HTRA1: variants seen among roughly 807,000 people sequenced by gnomAD.
HTRA1 encodes the protein HtrA serine peptidase 1, also known as serine protease HTRA1.
HTRA1 carries 26 observed loss-of-function variants against 49.7 expected under a neutral mutation model. That is an observed-to-expected ratio of 0.52 (90% confidence interval 0.38 to 0.73). The LOEUF is 0.73. Among genes scored for constraint, HTRA1 ranks in the 30% least tolerant of loss-of-function variants. The pLI is 0.00. For missense variants in HTRA1, 561 were observed against 667.2 expected, an observed-to-expected ratio of 0.84 and a Z score of 1.75; for synonymous variants, 291 against 286.9, an observed-to-expected ratio of 1.01 and a Z score of -0.14.
intron 1 of HTRA1, among the ~76,000 whole-genome samples, chr10:122,481,846 T>C (rs948311017): frequency 6.6e-6 from 1 of 152,112 alleles, no homozygotes; most frequent in African/African-American, 2.4e-5. Context: ...CTGCACAAGC[T>C]CTCTCTCTGA....
At chr10:122,465,037 C>T (rs757146206) in intron 1 of HTRA1, among the ~76,000 whole-genome samples, 2 of 152,122 alleles carry the variant, frequency 1.3e-5, no homozygotes, top group African/African-American at 4.8e-5. Context: ...GATCAGGGGT[C>T]CCCAGGGAGG....
intron 1 of HTRA1, among the ~76,000 whole-genome samples, chr10:122,480,579 C>T (rs898270359): frequency 6.6e-6 from 1 of 152,146 alleles, no homozygotes; most frequent in Non-Finnish European, 1.5e-5. Flanking sequence ...AGGGTCCCTG[C>T]TAGTTGTCTG....
At chr10:122,485,196 G>T (rs919696011) in intron 1 of HTRA1, among the ~76,000 whole-genome samples, 1 of 152,200 alleles carries the variant, frequency 6.6e-6, no homozygotes, top group African/African-American at 2.4e-5. Flanking sequence ...GTCCATCTTT[G>T]AACTGTTAGT....
At position 122,461,681 on chromosome 10, in the gene HTRA1, C is replaced by A; in HGVS notation, c.29C>A (p.Pro10Gln). ...CAGATCCCGCGCGCCGCTCTTCTCCCGCTGCTGCTGCTGCTGCTGGCGGCG... is the reference window on the plus strand; with the variant it reads ...CAGATCCCGCGCGCCGCTCTTCTCCAGCTGCTGCTGCTGCTGCTGGCGGCG... MQIPRAALL[P>Q]LLLLLLAAPA... is the part of the protein sequence containing the mutation. The change falls in exon 1 of 9, where the codon CCG (proline) becomes CAG (glutamine). Residue 10 changes from proline (P) to glutamine (Q), a missense_variant. By Grantham distance (76) the Pro-to-Gln change is moderately conservative. Around this residue, in one of 3 missense-constraint regions of HTRA1, gnomAD observed 111 missense variants for 83.7 expected, o/e 1.33. Transcript: ENST00000368984. 7.6e-7 allele frequency: 1 copy of A among 1,307,198 alleles called. No homozygotes were observed. The highest frequency in any genetic ancestry group is 9.9e-7 in the Non-Finnish European group (1 of 1,012,712). 81.0% of individuals were successfully genotyped at this position (1,307,198 alleles called of 1,614,324 possible). A position where few individuals can be genotyped will look rare whatever the true frequency, so the allele number is the denominator to read the frequency against.
chr10:122,478,688 G>GTTAAT lies in HTRA1; in HGVS notation c.473-10214_473-10213insTTAAT, dbSNP rs1455980405. Among the ~76,000 whole-genome samples, 4 of 152,282 alleles carry GTTAAT rather than the reference G, an allele frequency of 2.6e-5. No individual in the cohort carries two copies. The East Asian group carries it at 7.7e-4, about 29-fold the overall frequency. On this transcript the variant is annotated intron_variant, in intron 1 of 8. Coordinates refer to ENST00000368984, the MANE Select transcript of HTRA1 (RefSeq NM_002775.5). ...ATTACAGGCTTGAGCCACTCGCCCG[G>GTTAAT]CTGAGTTTGACCAGATTAAGGCAGC... is the stretch of plus-strand genomic sequence containing the variant.
intron 1 of HTRA1, among the ~76,000 whole-genome samples, chr10:122,468,818 C>T (rs1024162185): frequency 6.6e-6 from 1 of 152,124 alleles, no homozygotes; most frequent in Admixed American, 6.5e-5. Flanking sequence ...GAAGCCCTGG[C>T]ACCTTCTTGA....
At chr10:122,511,741 A>T (rs1381603917) in intron 7 of HTRA1, among the ~76,000 whole-genome samples, 8 of 76,734 alleles carry the variant, frequency 1.0e-4, no homozygotes, top group East Asian at 5.1e-4. Context: ...TCAAAAAAAA[A>T]AAAATAAATA....
In HTRA1 at chr10:122,487,526, T is replaced by C. The variant is rs2097493594; in HGVS notation, c.473-1376T>C. Reference sequence around the variant, plus strand: ...AGCCCTGCTGGGTGAGAGCCTCACATCGGGACATGTGACAGCTTTGTTGAA... The same window carrying C: ...AGCCCTGCTGGGTGAGAGCCTCACACCGGGACATGTGACAGCTTTGTTGAA... On this transcript the variant is annotated intron_variant, in intron 1 of 8. Transcript: ENST00000368984. The surrounding 1 kb of genome is among the most constrained non-coding windows in gnomAD (Gnocchi z 4.8). Among the ~76,000 whole-genome samples the C allele has an allele frequency of 6.6e-6, 1 of 152,204 alleles. No homozygotes were observed. Among genetic ancestry groups the C allele is most frequent in the South Asian group, 2.1e-4 (1 of 4,830 alleles).
intron 1 of HTRA1, among the ~76,000 whole-genome samples, chr10:122,467,223 A>G (rs1343929131): frequency 1.3e-5 from 2 of 152,222 alleles, no homozygotes; most frequent in Non-Finnish European, 2.9e-5. Flanking sequence ...GCTTAATTTG[A>G]AGAAGAAGTA....
intron 3 of HTRA1, among the ~76,000 whole-genome samples, chr10:122,502,498 A>C (rs1382326213): frequency 6.6e-6 from 1 of 152,072 alleles, no homozygotes; most frequent in East Asian, 1.9e-4. Flanking sequence ...CCCTCACTGG[A>C]TCTGTTTCTA....
chr10:122,489,656 T>TTCTC, intron 3 of HTRA1, 30 bp downstream of exon 3: 1 of 1,594,496 alleles, frequency 6.3e-7, no homozygotes, highest in African/African-American at 1.3e-5. Context: ...CAGAGGTGAG[T>TTCTC]TCTCAGATGC....
intron 1 of HTRA1, among the ~76,000 whole-genome samples, chr10:122,474,521 G>C (rs2142308): frequency 0.25 from 37,667 of 152,120 alleles, 4,911 homozygotes; most frequent in East Asian, 0.46. Flanking sequence ...CTGCCTCCCA[G>C]TCCGTGGCCA....
chr10:122,504,175 CT>C (rs2097502082), intron 3 of HTRA1, among the ~76,000 whole-genome samples: 1 of 152,204 alleles, frequency 6.6e-6, no homozygotes, highest in Non-Finnish European at 1.5e-5. Context: ...CCATCCCTGC[CT>C]GGGGGCTCCC....
At position 122,461,853 on chromosome 10, in the gene HTRA1, G is replaced by A. The variant is rs1276179129; in HGVS notation, c.201G>A (p.Val67=). ...GGGACGCGTGCGGCTGCTGCGAGGT[G>A]TGCGGCGCGCCCGAGGGCGCCGCGT... ...RARDACGCCE[V]CGAPEGAACG... The change falls in exon 1 of 9, where the codon GTG becomes GTA. Residue 67 remains valine, a synonymous_variant. Coordinates refer to ENST00000368984, the MANE Select transcript of HTRA1 (RefSeq NM_002775.5). 5 of 1,188,612 alleles carry A rather than the reference G, an allele frequency of 4.2e-6. No individual in the cohort carries two copies. The highest frequency in any genetic ancestry group is 3.4e-4 in the Middle Eastern group (1 of 2,940). The allele number at this position is 1,188,612 out of a possible 1,614,324, so 73.6% of individuals were successfully genotyped here. A position where few individuals can be genotyped will look rare whatever the true frequency, so the allele number is the denominator to read the frequency against.
intron 5 of HTRA1, 131 bp downstream of exon 5, chr10:122,507,533 T>G (rs2097503600): frequency 1.3e-6 from 1 of 745,784 alleles, no homozygotes. Flanking sequence ...CCAAAGTGTA[T>G]TATAAATTCC....
chr10:122,489,118 C>T (rs2097494522), intron 2 of HTRA1, 117 bp downstream of exon 2: 4 of 789,174 alleles, frequency 5.1e-6, no homozygotes, highest in African/African-American at 1.7e-5. Flanking sequence ...TATCTTCCTA[C>T]TTAAGATAAG....
chr10:122,508,912 A>G (rs2097504360), intron 6 of HTRA1, 142 bp downstream of exon 6: 2 of 662,546 alleles, frequency 3.0e-6, no homozygotes, highest in Non-Finnish European at 5.5e-6. Flanking sequence ...GGGAATGCAC[A>G]TTACTAAATC....
At chr10:122,493,403 T>C (rs1026082434) in intron 3 of HTRA1, among the ~76,000 whole-genome samples, 4 of 152,240 alleles carry the variant, frequency 2.6e-5, no homozygotes, top group African/African-American at 7.2e-5. Context: ...CTAGTTCAGC[T>C]TCAGTTACAA....
In HTRA1 at chr10:122,464,013, T is replaced by G. The variant is rs1236136747; in HGVS notation, c.472+1889T>G. On this transcript the variant is annotated intron_variant, in intron 1 of 8. Transcript: ENST00000368984. This position sits in a 1 kb window ranked among gnomAD's most constrained non-coding sequence, Gnocchi z 4.8. ...CCCGTGCCCTGTGCGCAGATGTTCT[T>G]GAACTGGAGCAACTCAAAGCCTAGT... Among the ~76,000 whole-genome samples, 1 of 152,164 alleles carries G rather than the reference T, an allele frequency of 6.6e-6. No homozygotes were observed. Among genetic ancestry groups the G allele is most frequent in the Non-Finnish European group, 1.5e-5 (1 of 68,028 alleles).
Sources: gnomAD v4.1 joint callset for allele counts (sites outside exome capture counted in the v4.1 genomes callset) on GRCh38, gnomAD v4.1.1 for gene constraint, gnomAD v4.1.1 regional missense constraint, Gnocchi (gnomAD v3.1) non-coding constraint, MANE v1.5 for transcripts, NCBI Gene and HGNC (gene_info 2026-07-23, HGNC 2026-07-21) for gene names.